CAMK2G: variants seen among roughly 807,000 people sequenced by gnomAD.
CAMK2G encodes the protein calcium/calmodulin-dependent protein kinase type II subunit gamma.
A neutral mutation model predicts 88.7 loss-of-function variants in CAMK2G; 23 were observed. The observed-to-expected ratio is 0.26, with a 90% CI of 0.19 to 0.37. The LOEUF (loss-of-function observed/expected upper bound fraction) is 0.37, where lower values mean the gene tolerates loss of function less well. CAMK2G is among the 10% of genes least tolerant of loss of function. The pLI, the probability that CAMK2G is intolerant of heterozygous loss-of-function variation, is 1.00. For missense variants in CAMK2G, 476 were observed against 780.8 expected, an observed-to-expected ratio of 0.61 and a Z score of 4.65; for synonymous variants, 263 against 294.8, an observed-to-expected ratio of 0.89 and a Z score of 1.11.
intron 2 of CAMK2G, among the ~76,000 whole-genome samples, chr10:73,870,475 C>T (rs2095788314): frequency 6.6e-6 from 1 of 152,230 alleles, no homozygotes; most frequent in Admixed American, 6.5e-5. Flanking sequence ...AGAAGGCTTC[C>T]TGTCTCGATT....
chr10:73,838,675 T>TA (rs2093478831), intron 13 of CAMK2G, among the ~76,000 whole-genome samples: 1 of 152,158 alleles, frequency 6.6e-6, no homozygotes, highest in African/African-American at 2.4e-5. Context: ...CCTTTGATCT[T>TA]ATCTTGTCGT....
chr10:73,862,301 C>T (rs867578437), intron 2 of CAMK2G, among the ~76,000 whole-genome samples: 1 of 85,696 alleles, frequency 1.2e-5, no homozygotes, highest in Non-Finnish European at 2.5e-5. Flanking sequence ...TACTCCACCC[C>T]CCCCCCCCCC....
intron 6 of CAMK2G, 69 bp from the exon 7 acceptor site, chr10:73,849,184 T>C: frequency 1.9e-6 from 3 of 1,565,202 alleles, no homozygotes; most frequent in African/African-American, 1.3e-5. Flanking sequence ...AGTTTGGGCC[T>C]ACGCAGTACC....
Position 73,848,584 on chromosome 10 carries a change from C to T in CAMK2G, c.543G>A (p.Leu181=). The change falls in exon 8 of 23, where the codon TTG becomes TTA. Residue 181 remains leucine (L), a synonymous_variant. Coordinates refer to ENST00000423381, the MANE Select transcript of CAMK2G (RefSeq NM_001367534.1). The surrounding 1 kb of genome is among the most constrained non-coding windows in gnomAD (Gnocchi z 4.5). The part of the protein sequence containing the change: ...WFGFAGTPGY[L]SPEVLRKDPY... Reference sequence around the variant, plus strand: ...GATCTTTCCTCAAGACCTCAGGGGACAAGTAACCTGGGGTGCCAGCAAAAC... The same window carrying T: ...GATCTTTCCTCAAGACCTCAGGGGATAAGTAACCTGGGGTGCCAGCAAAAC... 6.2e-7 allele frequency: 1 copy of T among 1,612,046 alleles called. No homozygotes were observed. The highest frequency in any genetic ancestry group is 1.1e-5 in the South Asian group (1 of 90,552).
chr10:73,814,679 G>A, intron 22 of CAMK2G, 174 bp from the exon 23 acceptor site: 1 of 265,260 alleles, frequency 3.8e-6, no homozygotes. Flanking sequence ...CACTAACTAA[G>A]TGCTTTACTT....
intron 14 of CAMK2G, among the ~76,000 whole-genome samples, chr10:73,829,665 AGGAGTTCCC>A (rs2092019255): frequency 1.5e-5 from 2 of 137,152 alleles, no homozygotes; most frequent in Non-Finnish European, 3.1e-5. Context: ...CTCAAAAAGA[AGGAGTTCCC>A]TTATATTCAT....
intron 1 of CAMK2G, 103 bp downstream of exon 1, chr10:73,874,294 A>AG (rs2095998193): frequency 1.9e-6 from 1 of 514,258 alleles, no homozygotes; most frequent in Non-Finnish European, 2.4e-6. Context: ...GGGGCGGCCG[A>AG]GGGGGAGCCG....
At chr10:73,867,589 C>T (rs1316085515) in intron 2 of CAMK2G, among the ~76,000 whole-genome samples, 1 of 152,116 alleles carries the variant, frequency 6.6e-6, no homozygotes, top group African/African-American at 2.4e-5. Context: ...TGGGAAGCTG[C>T]GGCTGCTGCT....
chr10:73,832,687 G>A (rs774573668), intron 14 of CAMK2G, among the ~76,000 whole-genome samples: 3 of 151,846 alleles, frequency 2.0e-5, no homozygotes, highest in African/African-American at 7.3e-5. Flanking sequence ...ATATCCCTAC[G>A]GTCATGAAAA....
chr10:73,832,594 C>T (rs909454824), intron 14 of CAMK2G, among the ~76,000 whole-genome samples: 3 of 152,086 alleles, frequency 2.0e-5, no homozygotes, highest in Admixed American at 6.6e-5. Flanking sequence ...CGTGAGCCAC[C>T]GTGCCTGGCT....
intron 2 of CAMK2G, among the ~76,000 whole-genome samples, chr10:73,864,306 A>G (rs1348079707): frequency 6.6e-6 from 1 of 152,136 alleles, no homozygotes; most frequent in African/African-American, 2.4e-5. Flanking sequence ...AAAAAAAAAA[A>G]GAAATATTTA....
rs143016696 is a variant in CAMK2G at position 73,834,949 on chromosome 10, C to T, written c.1053+2519G>A. 2.3e-3 allele frequency among the ~76,000 whole-genome samples: 350 copies of T among 152,320 alleles called. 1 individual carries two copies. The highest frequency in any genetic ancestry group is 9.5e-3 in the South Asian group (46 of 4,834). ...TTATGCAATTGCTCTTCCCTTCAGC[C>T]ATAAAGAAGATACTGAAGTTCCCAG... On this transcript the variant is annotated intron_variant, in intron 14 of 22. Coordinates refer to ENST00000423381, the MANE Select transcript of CAMK2G (RefSeq NM_001367534.1).
chr10:73,862,786 T>C (rs1282119864), intron 2 of CAMK2G, among the ~76,000 whole-genome samples: 7 of 152,210 alleles, frequency 4.6e-5, no homozygotes, highest in Admixed American at 2.0e-4. Flanking sequence ...CCCTGAATTA[T>C]CCAGGCCCGG....
chr10:73,841,917 G>A, intron 12 of CAMK2G: 1 of 515,740 alleles, frequency 1.9e-6, no homozygotes, highest in African/African-American at 1.9e-5. Flanking sequence ...AGAGAAACAA[G>A]GTACATAGCA....
chr10:73,867,867 G>A (rs1353662217), intron 2 of CAMK2G, among the ~76,000 whole-genome samples: 1 of 152,182 alleles, frequency 6.6e-6, no homozygotes, highest in East Asian at 1.9e-4. Context: ...GAGGACGCTG[G>A]GTCTGAGCCC....
In CAMK2G at chr10:73,860,405, T is replaced by C. The variant is rs117382842; in HGVS notation, c.220+425A>G. On this transcript the variant is annotated intron_variant, in intron 3 of 22. Transcript: ENST00000423381. Reference sequence around the variant, plus strand: ...GGGAGCACCATGGAAACCCCCAGAGTGTGCAGGACACCGCAGCAGGAACAA... The same window carrying C: ...GGGAGCACCATGGAAACCCCCAGAGCGTGCAGGACACCGCAGCAGGAACAA... 8.7e-3 allele frequency among the ~76,000 whole-genome samples: 1,323 copies of C among 152,004 alleles called. 18 individuals carry two copies. Among genetic ancestry groups the C allele is most frequent in the East Asian group, 0.053 (274 of 5,148 alleles).
intron 10 of CAMK2G, among the ~76,000 whole-genome samples, chr10:73,844,024 A>G (rs1282272674): frequency 6.6e-6 from 1 of 152,130 alleles, no homozygotes. Context: ...ATTAGCAAGG[A>G]TCTTCAACTC....
chr10:73,854,529 C>T (rs1591000032), intron 3 of CAMK2G, among the ~76,000 whole-genome samples: 1 of 152,272 alleles, frequency 6.6e-6, no homozygotes, highest in African/African-American at 2.4e-5. Context: ...ACCTTTGCTC[C>T]AAGCCTTGGC....
intron 15 of CAMK2G, among the ~76,000 whole-genome samples, chr10:73,827,766 C>CAGAA (rs1565234007): frequency 6.6e-6 from 1 of 152,250 alleles, no homozygotes; most frequent in Non-Finnish European, 1.5e-5. Context: ...AGGGCCTCTC[C>CAGAA]TTCTGGGTGA....
Sources: gnomAD v4.1 joint callset for allele counts (sites outside exome capture counted in the v4.1 genomes callset) on GRCh38, gnomAD v4.1.1 for gene constraint, Gnocchi (gnomAD v3.1) non-coding constraint, MANE v1.5 for transcripts, NCBI Gene and HGNC (gene_info 2026-07-23, HGNC 2026-07-21) for gene names.